Variants in NLGN1 observed in about 807,000 individuals in gnomAD.
NLGN1 encodes neuroligin-1.
A neutral mutation model predicts 65.5 loss-of-function variants in NLGN1; 12 were observed. The observed-to-expected ratio is 0.18, with a 90% confidence interval of 0.12 to 0.30. NLGN1 has a LOEUF of 0.30. Among genes scored for constraint, NLGN1 ranks in the 10% least tolerant of loss-of-function variants. NLGN1 has a pLI of 1.00. For missense variants in NLGN1, 750 were observed against 1,007.1 expected, an observed-to-expected ratio of 0.74 and a Z score of 3.46; for synonymous variants, 350 against 359.5, an observed-to-expected ratio of 0.97 and a Z score of 0.30.
intron 2 of NLGN1, among the ~76,000 whole-genome samples, chr3:173,535,081 A>G (rs1433086039): frequency 6.6e-6 from 1 of 152,224 alleles, no homozygotes; most frequent in Non-Finnish European, 1.5e-5. Flanking sequence ...ACAATTTAAC[A>G]GAATGAAAAC....
chr3:174,259,908 C>T (rs1324026589), intron 4 of NLGN1, among the ~76,000 whole-genome samples: 2 of 142,574 alleles, frequency 1.4e-5, no homozygotes, highest in Non-Finnish European at 3.0e-5. Context: ...TTCTTCAATT[C>T]CCACCTATGA....
intron 4 of NLGN1, among the ~76,000 whole-genome samples, chr3:174,193,480 G>A (rs567099772): frequency 6.6e-6 from 1 of 152,120 alleles, no homozygotes; most frequent in Non-Finnish European, 1.5e-5. Flanking sequence ...TGAACTGCGA[G>A]GTTTCAAGGA....
intron 3 of NLGN1, among the ~76,000 whole-genome samples, chr3:173,680,295 TTC>T (rs1763790337): frequency 6.6e-6 from 1 of 152,118 alleles, no homozygotes; most frequent in Non-Finnish European, 1.5e-5. Flanking sequence ...TTACTTATTT[TTC>T]TTGATAATGT....
intron 4 of NLGN1, among the ~76,000 whole-genome samples, chr3:173,991,894 C>G (rs1217284958): frequency 1.3e-5 from 2 of 152,096 alleles, no homozygotes; most frequent in Admixed American, 1.3e-4. Flanking sequence ...CTCACTGCAA[C>G]CTCTGCCTCC....
At chr3:173,447,289 C>A (rs537218913) in intron 2 of NLGN1, among the ~76,000 whole-genome samples, 11 of 152,268 alleles carry the variant, frequency 7.2e-5, no homozygotes, top group African/African-American at 2.4e-4. Context: ...GTATGGCTAG[C>A]CAGTTTTCCC....
At chr3:174,217,329 CA>C (rs1276255959) in intron 4 of NLGN1, among the ~76,000 whole-genome samples, 4 of 152,126 alleles carry the variant, frequency 2.6e-5, no homozygotes, top group African/African-American at 9.7e-5. Context: ...ACCCTATTTC[CA>C]AATGAAAACA....
intron 2 of NLGN1, among the ~76,000 whole-genome samples, chr3:173,448,339 G>T (rs1428502828): frequency 1.3e-5 from 2 of 152,022 alleles, no homozygotes; most frequent in Non-Finnish European, 2.9e-5. Flanking sequence ...TTTGTCTTTG[G>T]TTCTGTTTAT....
At chr3:174,061,448 C>A (rs1051338399) in intron 4 of NLGN1, among the ~76,000 whole-genome samples, 6 of 152,036 alleles carry the variant, frequency 3.9e-5, no homozygotes, top group Non-Finnish European at 7.4e-5. Flanking sequence ...GATAGACCAG[C>A]CAAAAGAAGA....
Position 173,869,649 on chromosome 3 carries a change from A to G in NLGN1, c.646+61817A>G, listed in dbSNP as rs187159976. Among the ~76,000 whole-genome samples the G allele has an allele frequency of 1.7e-3, 262 of 152,320 alleles. 1 individual carries two copies. Among genetic ancestry groups the G allele is most frequent in the African/African-American group, 6.0e-3 (250 of 41,584 alleles). On this transcript the variant is annotated intron_variant, in intron 4 of 6. Coordinates refer to ENST00000457714, the Ensembl canonical transcript of NLGN1. ...TCAGTAAGCTAACCTCAGCACATCA[A>G]TGTAAACCCAGTCTTCTTGGTGTAG...
At chr3:173,941,030 G>A (rs527324890) in intron 4 of NLGN1, among the ~76,000 whole-genome samples, 1 of 152,238 alleles carries the variant, frequency 6.6e-6, no homozygotes, top group South Asian at 2.1e-4. Flanking sequence ...TTTATAAAGG[G>A]ACTTCTGTGT....
intron 4 of NLGN1, among the ~76,000 whole-genome samples, chr3:173,973,480 A>C (rs1033260095): frequency 6.6e-6 from 1 of 152,144 alleles, no homozygotes. Flanking sequence ...ATCCATGTTG[A>C]ATTAGTCAAG....
At chr3:174,252,004 T>G (rs1334404002) in intron 4 of NLGN1, among the ~76,000 whole-genome samples, 1 of 152,208 alleles carries the variant, frequency 6.6e-6, no homozygotes, top group Non-Finnish European at 1.5e-5. Context: ...CAAAACCTTT[T>G]TTTCTCAAGG....
intron 3 of NLGN1, among the ~76,000 whole-genome samples, chr3:173,660,922 G>A (rs1372021013): frequency 6.6e-6 from 1 of 151,988 alleles, no homozygotes; most frequent in Non-Finnish European, 1.5e-5. Flanking sequence ...ACCTCTTCAT[G>A]TAGTCTCAAG....
chr3:173,649,601 C>T (rs1758820483), intron 3 of NLGN1, among the ~76,000 whole-genome samples: 1 of 152,054 alleles, frequency 6.6e-6, no homozygotes, highest in Non-Finnish European at 1.5e-5. Flanking sequence ...TTCTCCTTTT[C>T]TCACCGTGAA....
In NLGN1 at chr3:173,779,162, CTT is replaced by C. The variant is rs1322397278; in HGVS notation, c.494-28517_494-28516del. 2.7e-4 allele frequency among the ~76,000 whole-genome samples: 41 copies of C among 151,820 alleles called. 1 individual carries two copies. The highest frequency in any genetic ancestry group is 4.7e-4 in the Non-Finnish European group (32 of 67,786). On this transcript the variant is annotated intron_variant, in intron 3 of 6. Coordinates refer to ENST00000457714, the Ensembl canonical transcript of NLGN1. Reference sequence around the variant, plus strand: ...ATGGTATTTTGATAAGCTAAACAAACTTGAGATTGGATATCTGATTAACTAGA... The same window carrying C: ...ATGGTATTTTGATAAGCTAAACAAACGAGATTGGATATCTGATTAACTAGA...
chr3:173,579,766 AT>A (rs1446462249), intron 2 of NLGN1, among the ~76,000 whole-genome samples: 4 of 152,018 alleles, frequency 2.6e-5, no homozygotes, highest in Non-Finnish European at 5.9e-5. Flanking sequence ...ACCACTTTTT[AT>A]TTTTGTTTCT....
intron 3 of NLGN1, among the ~76,000 whole-genome samples, chr3:173,797,693 C>CAAAAAAAAAAAAAA (rs1312419518): frequency 8.9e-5 from 5 of 56,456 alleles, no homozygotes; most frequent in East Asian, 4.6e-4. Context: ...ACAACAACAA[C>CAAAAAAAAAAAAAA]AACAACAAAA....
upstream of NLGN1, chr3:173,397,881 C>G (rs1324563996): frequency 6.6e-6 from 1 of 152,098 alleles, no homozygotes; most frequent in Non-Finnish European, 1.5e-5. Flanking sequence ...CGGGAGAGCC[C>G]GTCCGAGCCG....
At chr3:173,792,248 T>G (rs1168822850) in intron 3 of NLGN1, among the ~76,000 whole-genome samples, 1 of 152,152 alleles carries the variant, frequency 6.6e-6, no homozygotes, top group Non-Finnish European at 1.5e-5. Context: ...CTGGCTTGTT[T>G]CCAGTGAGAC....
Sources: gnomAD v4.1 joint callset for allele counts (sites outside exome capture counted in the v4.1 genomes callset) on GRCh38, gnomAD v4.1.1 for gene constraint, MANE v1.5 for transcripts, NCBI Gene and HGNC (gene_info 2026-07-23, HGNC 2026-07-21) for gene names.